FHIT: variants seen among roughly 807,000 people sequenced by gnomAD.
The protein encoded by FHIT is fragile histidine triad diadenosine triphosphatase.
Under a neutral mutation model 17.9 loss-of-function variants are expected in FHIT, and 19 were observed. The observed-to-expected ratio is 1.06, with a 90% confidence interval of 0.74 to 1.56. The LOEUF (loss-of-function observed/expected upper bound fraction) is 1.56. FHIT is among the 40% of genes most tolerant of loss of function. FHIT has a pLI of 0.00. For missense variants in FHIT, 248 were observed against 189.2 expected (o/e 1.31, Z -1.82); for synonymous variants, 81 against 69.7 (o/e 1.16, Z -0.81).
At chr3:60,261,247 A>G (rs1706281807) in intron 5 of FHIT, among the ~76,000 whole-genome samples, 1 of 152,038 alleles carries the variant, frequency 6.6e-6, no homozygotes, top group Admixed American at 6.6e-5. Context: ...CATGAGGTCC[A>G]AGAACCCTTT....
At chr3:60,188,618 G>T (rs1702266446) in intron 5 of FHIT, among the ~76,000 whole-genome samples, 1 of 152,032 alleles carries the variant, frequency 6.6e-6, no homozygotes, top group Non-Finnish European at 1.5e-5. Context: ...AATTTTGACA[G>T]TAACTATTTT....
chr3:60,283,192 G>T (rs1192051458), intron 5 of FHIT, among the ~76,000 whole-genome samples: 2 of 151,934 alleles, frequency 1.3e-5, no homozygotes, highest in African/African-American at 4.8e-5. Flanking sequence ...TGGAAATCTG[G>T]AAAGAACTGA....
chr3:60,421,707 C>T (rs1444872307), intron 5 of FHIT, among the ~76,000 whole-genome samples: 2 of 151,862 alleles, frequency 1.3e-5, no homozygotes, highest in African/African-American at 4.8e-5. Flanking sequence ...TAACTTTCTC[C>T]AATTTTTCCC....
chr3:60,846,170 G>T (rs1199461724), intron 3 of FHIT, among the ~76,000 whole-genome samples: 3 of 152,084 alleles, frequency 2.0e-5, no homozygotes, highest in Non-Finnish European at 4.4e-5. Flanking sequence ...AATACAGCAT[G>T]CCCTATTCTT....
chr3:61,047,108 A>G (rs2033827335), intron 2 of FHIT, among the ~76,000 whole-genome samples: 1 of 151,122 alleles, frequency 6.6e-6, no homozygotes, highest in Admixed American at 6.6e-5. Flanking sequence ...TCTTTCACCA[A>G]TCCTGTTGGA....
intron 2 of FHIT, among the ~76,000 whole-genome samples, chr3:61,170,550 G>C (rs552613452): frequency 6.6e-5 from 10 of 152,120 alleles, no homozygotes; most frequent in African/African-American, 1.7e-4. Context: ...ATAGGCCCTA[G>C]TGTGTGTTGT....
At chr3:60,680,553 A>C in intron 4 of FHIT, among the ~76,000 whole-genome samples, 1 of 97,980 alleles carries the variant, frequency 1.0e-5, no homozygotes. Context: ...TCCAAATTTC[A>C]TCATCTATTT....
At chr3:60,729,761 AT>A (rs1553710649) in intron 4 of FHIT, among the ~76,000 whole-genome samples, 28 of 23,024 alleles carry the variant, frequency 1.2e-3, no homozygotes, top group Middle Eastern at 0.022. Flanking sequence ...TTTTAAAAAT[AT>A]ATATATATAT....
intron 4 of FHIT, among the ~76,000 whole-genome samples, chr3:60,757,286 A>G (rs1553718542): frequency 6.6e-6 from 1 of 152,210 alleles, no homozygotes; most frequent in African/African-American, 2.4e-5. Context: ...TGGGCCAGAC[A>G]TTGTTCTGAA....
intron 2 of FHIT, among the ~76,000 whole-genome samples, chr3:61,170,526 T>C (rs953348091): frequency 7.2e-5 from 11 of 152,074 alleles, no homozygotes; most frequent in African/African-American, 2.7e-4. Flanking sequence ...CTCCCTCCTC[T>C]CTCCCACCCT....
intron 5 of FHIT, among the ~76,000 whole-genome samples, chr3:60,351,471 T>A (rs995155467): frequency 2.0e-5 from 3 of 152,164 alleles, no homozygotes; most frequent in Non-Finnish European, 4.4e-5. Context: ...TAATTTTGTC[T>A]AATGATATAT....
At chr3:60,519,867 G>A (rs561819485) in intron 5 of FHIT, among the ~76,000 whole-genome samples, 10 of 152,108 alleles carry the variant, frequency 6.6e-5, no homozygotes, top group Non-Finnish European at 1.5e-4. Flanking sequence ...AGAACCATGA[G>A]AGATCACTTT....
At chr3:60,864,026 G>A (rs1363587061) in intron 3 of FHIT, among the ~76,000 whole-genome samples, 1 of 152,128 alleles carries the variant, frequency 6.6e-6, no homozygotes, top group Non-Finnish European at 1.5e-5. Flanking sequence ...CATAATCATG[G>A]CAGAAGGTGA....
chr3:60,054,151 T>C (rs1701991431), intron 5 of FHIT, among the ~76,000 whole-genome samples: 1 of 152,318 alleles, frequency 6.6e-6, no homozygotes, highest in African/African-American at 2.4e-5. Context: ...CCTGTTTTAA[T>C]CATAGAATTT....
chr3:60,316,076 A>C (rs901753408), intron 5 of FHIT, among the ~76,000 whole-genome samples: 3 of 152,180 alleles, frequency 2.0e-5, no homozygotes, highest in African/African-American at 7.2e-5. Flanking sequence ...TCTTGGAAAA[A>C]TCCTATCAGG....
intron 5 of FHIT, among the ~76,000 whole-genome samples, chr3:60,279,664 G>T (rs779896808): frequency 1.3e-5 from 2 of 152,118 alleles, no homozygotes; most frequent in Non-Finnish European, 2.9e-5. Flanking sequence ...TATAAAAAGC[G>T]TCAACAAAAT....
At chr3:60,511,373 C>G (rs17063396) in intron 5 of FHIT, among the ~76,000 whole-genome samples, 1 of 152,136 alleles carries the variant, frequency 6.6e-6, no homozygotes, top group East Asian at 1.9e-4. Context: ...AGACAAACAT[C>G]GCTTTATGTG....
intron 5 of FHIT, among the ~76,000 whole-genome samples, chr3:60,267,384 T>C (rs1706636177): frequency 6.6e-6 from 1 of 152,074 alleles, no homozygotes; most frequent in Non-Finnish European, 1.5e-5. Flanking sequence ...TTCAAATACT[T>C]TATAAAAATA....
chr3:60,139,818 A>C (rs928681359), intron 5 of FHIT, among the ~76,000 whole-genome samples: 2 of 93,594 alleles, frequency 2.1e-5, no homozygotes, highest in Admixed American at 2.1e-4. Context: ...ACCTTTCATT[A>C]TTAAAAAAAA....
Sources: allele counts gnomAD v4.1 joint callset (sites outside exome capture counted in the v4.1 genomes callset), GRCh38; gene constraint gnomAD v4.1.1; transcripts MANE v1.5; gene names NCBI Gene and HGNC (gene_info 2026-07-23, HGNC 2026-07-21).